MB: variants seen among roughly 807,000 people sequenced by gnomAD.
The protein encoded by MB is nitrite reductase MB.
MB carries 10 observed loss-of-function variants against 14.5 expected under a neutral mutation model. The observed-to-expected ratio is 0.69, with a 90% CI of 0.43 to 1.17. The LOEUF (loss-of-function observed/expected upper bound fraction) is 1.17, where lower values mean the gene tolerates loss of function less well. Ranked by LOEUF, MB falls within the 50% of genes most tolerant of loss-of-function variation. MB has a pLI of 0.00. For missense variants in MB, 169 were observed against 192.7 expected, an observed-to-expected ratio of 0.88 and a Z score of 0.73; for synonymous variants, 89 against 78.6, an observed-to-expected ratio of 1.13 and a Z score of -0.70.
intron 2 of MB, among the ~76,000 whole-genome samples, chr22:35,610,543 G>A (rs373702845): frequency 1.3e-5 from 2 of 152,138 alleles, no homozygotes; most frequent in East Asian, 1.9e-4. Context: ...ACCTCTGTGA[G>A]CCTCAGTTTC....
At position 35,617,265 on chromosome 22, in the gene MB, T is replaced by A. The variant is rs113716449; in HGVS notation, c.-8A>T. ...CCCGTCGCTGAGCCCCATGGCGCAG[T>A]CTGAAGAAGACAAAAAGAGCAAGTA... On this transcript the variant is annotated 5_prime_UTR_variant, in exon 1 of 3. Transcript: ENST00000397326. The A allele has an allele frequency of 8.1e-5, 130 of 1,612,884 alleles. No individual in the cohort carries two copies. In the African/African-American group the frequency reaches 1.6e-3, roughly 20 times the overall value.
upstream of MB, among the ~76,000 whole-genome samples, chr22:35,618,587 ACCACCCAT>A (rs1923250606): frequency 6.6e-6 from 1 of 151,678 alleles, no homozygotes; most frequent in South Asian, 2.1e-4. Flanking sequence ...CTATCCATCC[ACCACCCAT>A]CCATCCAACA....
rs1461322011 is a variant in MB, at chr22:35,608,868, TG to T, written c.319-1426del. On this transcript the variant is annotated intron_variant, in intron 2 of 2. Coordinates refer to ENST00000397326, the MANE Select transcript of MB (RefSeq NM_005368.3). The surrounding 1 kb of genome is among the most constrained non-coding windows in gnomAD (Gnocchi z 4.3). ...GAAACACTCTCGGCACCCACCACCC[TG>T]TACAGCCCCTCAGTCCCTCAGAGAG... 6.6e-6 allele frequency among the ~76,000 whole-genome samples: 1 copy of T among 152,294 alleles called. No homozygotes were observed. Among genetic ancestry groups the T allele is most frequent in the East Asian group, 1.9e-4 (1 of 5,176 alleles).
chr22:35,610,988 C>T lies in MB; in HGVS notation c.214G>A (p.Ala72Thr), dbSNP rs370643123. Residue 72 changes from alanine to threonine, a missense_variant, in exon 2 of 3, where the codon GCC (alanine) becomes ACC (threonine). Physicochemically the swap from Ala to Thr is moderately conservative, Grantham distance 58. Transcript: ENST00000397326. Reference sequence around the variant, plus strand: ...TTCTTCTTAAGGATGCCACCCAGGGCGGTGAGCACGGTGGCACCATGCTTC... The same window carrying T: ...TTCTTCTTAAGGATGCCACCCAGGGTGGTGAGCACGGTGGCACCATGCTTC... ...LKKHGATVLT[A>T]LGGILKKKGH... 125 of 1,614,010 alleles carry T rather than the reference C, an allele frequency of 7.7e-5. No homozygotes were observed. The highest frequency in any genetic ancestry group is 9.7e-5 in the Non-Finnish European group (115 of 1,179,978).
upstream of MB, among the ~76,000 whole-genome samples, chr22:35,619,982 C>T (rs373368578): frequency 2.0e-5 from 3 of 152,202 alleles, no homozygotes; most frequent in Admixed American, 1.3e-4. Context: ...CTAGGCCAGC[C>T]GACCTCCAAA....
At chr22:35,609,587 G>C (rs1354919977) in intron 2 of MB, among the ~76,000 whole-genome samples, 1 of 152,204 alleles carries the variant, frequency 6.6e-6, no homozygotes, top group Non-Finnish European at 1.5e-5. Flanking sequence ...CCTGGTTCCA[G>C]AGTACCATGG....
At chr22:35,607,600 AC>A (rs1328535417) in intron 2 of MB, among the ~76,000 whole-genome samples, 157 bp from the exon 3 acceptor site, 2 of 152,068 alleles carry the variant, frequency 1.3e-5, no homozygotes, top group Non-Finnish European at 2.9e-5. Context: ...CCACGGATGA[AC>A]CCCTTTGATC....
At chr22:35,612,396 T>A (rs1205685388) in intron 1 of MB, among the ~76,000 whole-genome samples, 1 of 152,136 alleles carries the variant, frequency 6.6e-6, no homozygotes, top group Non-Finnish European at 1.5e-5. Context: ...AGTTCATGGT[T>A]TTTTTGTTTT....
upstream of MB, chr22:35,617,539 G>A: frequency 2.4e-6 from 1 of 416,538 alleles, no homozygotes; most frequent in South Asian, 3.4e-5. Context: ...AGGCCACAGG[G>A]GGTGGGGTGG....
At chr22:35,622,170 C>T (rs1474371986), upstream of MB, 3 of 152,344 alleles carry the variant, frequency 2.0e-5, no homozygotes, top group African/African-American at 7.2e-5. Flanking sequence ...CAGGACTCCC[C>T]ACGATCTTCA....
chr22:35,611,410 A>C (rs1173827758), intron 1 of MB, among the ~76,000 whole-genome samples: 6 of 152,184 alleles, frequency 3.9e-5, no homozygotes, highest in Admixed American at 3.9e-4. Flanking sequence ...TCACCAGCTC[A>C]CTATTGCAGG....
intron 1 of MB, 61 bp downstream of exon 1, chr22:35,617,102 A>C: frequency 2.2e-6 from 3 of 1,358,630 alleles, no homozygotes; most frequent in Non-Finnish European, 3.2e-6. Context: ...TCCACCTTGC[A>C]GCTGAACACC....
chr22:35,615,429 TCCCGGC>T (rs1922997182), intron 1 of MB: 1 of 152,270 alleles, frequency 6.6e-6, no homozygotes, highest in African/African-American at 2.4e-5. Flanking sequence ...TATCCCTGGC[TCCCGGC>T]CCCCGGCAAA....
chr22:35,609,963 G>A (rs1922475635), intron 2 of MB, among the ~76,000 whole-genome samples: 1 of 152,178 alleles, frequency 6.6e-6, no homozygotes, highest in African/African-American at 2.4e-5. Flanking sequence ...TAGAAGAGGT[G>A]GCTGGAGCTC....
At chr22:35,614,939 CA>C in intron 1 of MB, among the ~76,000 whole-genome samples, 1 of 152,076 alleles carries the variant, frequency 6.6e-6, no homozygotes, top group South Asian at 2.1e-4. Flanking sequence ...GTAAATAAAA[CA>C]AAAAAGGTTT....
upstream of MB, chr22:35,617,383 A>G: frequency 3.0e-6 from 2 of 658,772 alleles, no homozygotes; most frequent in Non-Finnish European, 5.4e-6. Context: ...CTTGACAAAG[A>G]TCGCTCAATG....
chr22:35,611,407 C>T (rs979853195), intron 1 of MB, among the ~76,000 whole-genome samples: 1 of 152,312 alleles, frequency 6.6e-6, no homozygotes, highest in Non-Finnish European at 1.5e-5. Flanking sequence ...AAGTCACCAG[C>T]TCACTATTGC....
At chr22:35,619,716 T>C (rs1923341970), upstream of MB, among the ~76,000 whole-genome samples, 1 of 152,206 alleles carries the variant, frequency 6.6e-6, no homozygotes, top group Non-Finnish European at 1.5e-5. Context: ...AAGAGTTAAA[T>C]TCAAAGAATC....
intron 1 of MB, among the ~76,000 whole-genome samples, chr22:35,612,934 C>T (rs1922752276): frequency 5.3e-5 from 8 of 152,176 alleles, no homozygotes; most frequent in Admixed American, 5.2e-4. Flanking sequence ...CACCTGCACA[C>T]ACACACAGAG....
Sources: gnomAD v4.1 joint callset for allele counts (sites outside exome capture counted in the v4.1 genomes callset) on GRCh38, gnomAD v4.1.1 for gene constraint, Gnocchi (gnomAD v3.1) non-coding constraint, MANE v1.5 for transcripts, NCBI Gene and HGNC (gene_info 2026-07-23, HGNC 2026-07-21) for gene names.